Variants in NDRG4 observed in about 807,000 individuals in gnomAD.
NDRG4 encodes protein NDRG4.
A neutral mutation model predicts 55.8 loss-of-function variants in NDRG4; 38 were observed. That is an observed-to-expected ratio of 0.68 (90% CI 0.53 to 0.89). NDRG4 has a LOEUF of 0.89. NDRG4 is among the 40% of genes least tolerant of loss of function. NDRG4 has a pLI of 0.00. For synonymous variants in NDRG4, 190 were observed against 182.7 expected, an observed-to-expected ratio of 1.04 and a Z score of -0.32; for missense variants, 455 against 468.6, an observed-to-expected ratio of 0.97 and a Z score of 0.27.
intron 1 of NDRG4, 55 bp from the exon 2 acceptor site, chr16:58,503,743 G>A (rs756210090): frequency 6.2e-6 from 10 of 1,609,306 alleles, no homozygotes; most frequent in Non-Finnish European, 8.5e-6. Flanking sequence ...TCATTCCCCA[G>A]AGGAGCCAAG....
rs1471397728 is a variant in NDRG4, at chr16:58,511,676, G to A, written c.*100G>A. 1.4e-6 allele frequency: 2 copies of A among 1,440,652 alleles called. No homozygotes were observed. Among genetic ancestry groups the A allele is most frequent in the Non-Finnish European group, 1.9e-6 (2 of 1,026,150 alleles). 89.2% of individuals were successfully genotyped at this position (1,440,652 alleles called of 1,614,324 possible). A position where few individuals can be genotyped will look rare whatever the true frequency, so the allele number is the denominator to read the frequency against. ...TTTATTTTTGTGAGGGCAAAGGGGA[G>A]GAAATGGGGTTCTGTTTGAAAAAAA... On this transcript the variant is annotated 3_prime_UTR_variant, in exon 15 of 15. Coordinates refer to ENST00000570248, the MANE Select transcript of NDRG4 (RefSeq NM_001242835.2).
At chr16:58,485,868 G>A (rs2035028988) in intron 1 of NDRG4, among the ~76,000 whole-genome samples, 1 of 152,046 alleles carries the variant, frequency 6.6e-6, no homozygotes. Flanking sequence ...CCTATTGATG[G>A]ACATTTTCTT....
At chr16:58,481,730 T>A (rs780490138) in intron 1 of NDRG4, among the ~76,000 whole-genome samples, 10 of 152,052 alleles carry the variant, frequency 6.6e-5, no homozygotes, top group African/African-American at 1.9e-4. Context: ...CTTGCACCAG[T>A]CAGTTGCTCC....
Position 58,510,653 on chromosome 16 carries a change from T to C in NDRG4, c.874T>C (p.Leu292=), listed in dbSNP as rs1028962518. The change falls in exon 14 of 15, where the codon TTG becomes CTG. Residue 292 remains leucine, a synonymous_variant. Coordinates refer to ENST00000570248, the MANE Select transcript of NDRG4 (RefSeq NM_001242835.2). ...FLQGMGYIAY[L]KDRRLSGGAV... is the part of the protein sequence containing the mutation. ...TCTGTCTTCTCTCTTAGTTGCGTAC[T>C]TGAAGGACCGAAGGCTGAGTGGAGG... The C allele has an allele frequency of 1.2e-5, 18 of 1,535,952 alleles. No individual in the cohort carries two copies. The Middle Eastern group carries it at 6.7e-4, about 57-fold the overall frequency.
chr16:58,480,493 C>G (rs989161466), intron 1 of NDRG4, among the ~76,000 whole-genome samples: 1 of 152,206 alleles, frequency 6.6e-6, no homozygotes, highest in Non-Finnish European at 1.5e-5. Context: ...GTCAAACAGC[C>G]TTGTACCAGA....
chr16:58,475,953 C>T (rs922430922), intron 1 of NDRG4, among the ~76,000 whole-genome samples: 1 of 152,188 alleles, frequency 6.6e-6, no homozygotes, highest in South Asian at 2.1e-4. Context: ...CTGGCCACCA[C>T]ACCTGGGTAA....
chr16:58,466,799 C>T (rs933996912), intron 1 of NDRG4, among the ~76,000 whole-genome samples: 9 of 152,190 alleles, frequency 5.9e-5, no homozygotes, highest in Non-Finnish European at 1.0e-4. Flanking sequence ...GACTTCAGCC[C>T]TCTCATCTTA....
intron 1 of NDRG4, among the ~76,000 whole-genome samples, chr16:58,471,206 T>TC (rs1302684231): frequency 3.5e-5 from 5 of 141,138 alleles, no homozygotes; most frequent in Admixed American, 1.4e-4. Context: ...TTTTTTTTTT[T>TC]TTTTTTGGAG....
chr16:58,492,618 T>C (rs150890028), intron 2 of NDRG4, among the ~76,000 whole-genome samples: 1 of 151,288 alleles, frequency 6.6e-6, no homozygotes, highest in East Asian at 2.0e-4. Flanking sequence ...CTTAGCTCAC[T>C]GCAGCCTGGA....
Position 58,507,877 on chromosome 16 carries a change from T to A in NDRG4, c.677+13T>A. On this transcript the variant is annotated intron_variant, in intron 9 of 14. Transcript: ENST00000570248. ...CCAAGACGCTCCGGTGAGTGGCCCC[T>A]GGCCCTCTGGCCTGCCCTGGCCTTT... The A allele has an allele frequency of 3.1e-6, 5 of 1,613,994 alleles. No homozygotes were observed. Among genetic ancestry groups the A allele is most frequent in the Non-Finnish European group, 4.2e-6 (5 of 1,179,964 alleles).
At chr16:58,467,789 T>C (rs2031979199) in intron 1 of NDRG4, among the ~76,000 whole-genome samples, 1 of 152,198 alleles carries the variant, frequency 6.6e-6, no homozygotes, top group Admixed American at 6.5e-5. Context: ...ATTAGGTGTG[T>C]GAGCGTGTGC....
chr16:58,501,153 G>C (rs1597271690), intron 1 of NDRG4: 1 of 1,036,706 alleles, frequency 9.6e-7, no homozygotes, highest in East Asian at 3.2e-5. Flanking sequence ...CCACACGCCT[G>C]CCCTGCCGGT....
intron 1 of NDRG4, among the ~76,000 whole-genome samples, chr16:58,503,189 G>A (rs2037384994): frequency 6.6e-6 from 1 of 152,150 alleles, no homozygotes; most frequent in South Asian, 2.1e-4. Context: ...GGCCTCTAGA[G>A]GGGATGGGGA....
chr16:58,467,880 C>T lies in NDRG4; in HGVS notation c.-24+4083C>T, dbSNP rs535102445. ...GCGTCCTCAGGCCGCCTCCCGAGTG[C>T]ACTCCATCACTGTGCTGGGGGCTCC... On this transcript the variant is annotated intron_variant, in intron 1 of 15. Transcript: ENST00000258187. 1.4e-3 allele frequency among the ~76,000 whole-genome samples: 220 copies of T among 152,330 alleles called. 1 individual carries two copies. Among genetic ancestry groups the T allele is most frequent in the African/African-American group, 4.9e-3 (202 of 41,582 alleles).
chr16:58,494,928 C>T, intron 2 of NDRG4: 3 of 1,610,636 alleles, frequency 1.9e-6, no homozygotes, highest in Non-Finnish European at 2.5e-6. Context: ...CCAGCCAGGG[C>T]CTAACTTGCC....
rs1410502205 is a variant in NDRG4, at chr16:58,501,960, A to G, written c.21+1691A>G. On this transcript the variant is annotated intron_variant, in intron 1 of 14. Transcript: ENST00000570248. ...CTTTATGCAGCAGGAGGCGCATTGCAGTTCTTTTGCAGCCCCACCCTCCAG... is the reference window on the plus strand; with the variant it reads ...CTTTATGCAGCAGGAGGCGCATTGCGGTTCTTTTGCAGCCCCACCCTCCAG... The G allele has an allele frequency of 5.7e-5, 26 of 455,730 alleles. No individual in the cohort carries two copies. In the Admixed American group the frequency reaches 6.1e-4, roughly 11 times the overall value. The allele number at this position is 455,730 out of a possible 1,614,324, so 28.2% of individuals were successfully genotyped here.
At chr16:58,492,779 G>A (rs1223818116) in intron 2 of NDRG4, among the ~76,000 whole-genome samples, 1 of 152,040 alleles carries the variant, frequency 6.6e-6, no homozygotes, top group African/African-American at 2.4e-5. Context: ...GCCCTCTTAA[G>A]GTCCCGAGTA....
intron 1 of NDRG4, among the ~76,000 whole-genome samples, chr16:58,502,316 C>T (rs1260844826): frequency 2.0e-5 from 3 of 152,036 alleles, no homozygotes; most frequent in African/African-American, 4.8e-5. Flanking sequence ...TGTGGTCTGT[C>T]CCCTCTCAGC....
Position 58,509,165 on chromosome 16 carries a change from T to C in NDRG4, c.789T>C (p.Ser263=). 1 of 1,614,022 alleles carries C rather than the reference T, an allele frequency of 6.2e-7. No homozygotes were observed. The highest frequency in any genetic ancestry group is 1.3e-5 in the African/African-American group (1 of 75,054). ...TTTTFLKMAD[S]GGLPQVTQPG... is the part of the protein sequence containing the mutation. ...TCTCTCCCTTGCAGATGGCAGACTC[T>C]GGAGGGCTGCCCCAGGTCACACAGG... Residue 263 remains serine (S), a synonymous_variant, in exon 12 of 15, where the codon TCT becomes TCC. Transcript: ENST00000570248.
Sources: gnomAD v4.1 joint callset for allele counts (sites outside exome capture counted in the v4.1 genomes callset) on GRCh38, gnomAD v4.1.1 for gene constraint, MANE v1.5 for transcripts, NCBI Gene and HGNC (gene_info 2026-07-23, HGNC 2026-07-21) for gene names.